The following TNK1 variants were observed in gnomAD, a reference collection of about 807,000 sequenced individuals.
TNK1 encodes the protein non-receptor tyrosine-protein kinase TNK1.
Under a neutral mutation model 65.2 loss-of-function variants are expected in TNK1, and 53 were observed. The observed-to-expected ratio is 0.81, with a 90% CI of 0.65 to 1.02. The LOEUF (loss-of-function observed/expected upper bound fraction) is 1.02. TNK1 is among the 50% of genes least tolerant of loss of function. TNK1 has a pLI of 0.00. For synonymous variants in TNK1, 353 were observed against 364.6 expected (o/e 0.97, Z 0.36); for missense variants, 837 against 878.4 (o/e 0.95, Z 0.60).
At chr17:7,380,308 G>A (rs1904731444), upstream of TNK1, among the ~76,000 whole-genome samples, 1 of 152,198 alleles carries the variant, frequency 6.6e-6, no homozygotes. Context: ...AAGACTGGCA[G>A]CTTCCTCTCT....
At position 7,387,471 on chromosome 17, in the gene TNK1, A is replaced by T; in HGVS notation, c.1477+14A>T. On this transcript the variant is annotated intron_variant, in intron 10 of 12. Coordinates refer to ENST00000688331, the MANE Select transcript of TNK1 (RefSeq NM_003985.6). ...AGAGGATGAAAGGTGGGTGTGGTGG[A>T]CTCCAGAGTCTCTGAGGAGATCAAG... 1 of 1,573,092 alleles carries T rather than the reference A, an allele frequency of 6.4e-7. No homozygotes were observed. Among genetic ancestry groups the T allele is most frequent in the Non-Finnish European group, 8.6e-7 (1 of 1,159,554 alleles).
upstream of TNK1, chr17:7,380,594 T>A (rs1597673751): frequency 2.6e-5 from 4 of 152,344 alleles, no homozygotes; most frequent in Admixed American, 2.6e-4. Context: ...AGCATCAACA[T>A]CTCTCTGCCC....
chr17:7,384,162 A>C lies in TNK1; in HGVS notation c.775A>C (p.Ile259Leu). The C allele has an allele frequency of 6.5e-7, 1 of 1,538,946 alleles. No homozygotes were observed. Among genetic ancestry groups the C allele is most frequent in the African/African-American group, 1.4e-5 (1 of 72,904 alleles). The change falls in exon 6 of 13, where the codon ATC (isoleucine) becomes CTC (leucine). Residue 259 changes from isoleucine (I) to leucine (L), a missense_variant. By Grantham distance (5) the Ile-to-Leu change is conservative. Coordinates refer to ENST00000688331, the MANE Select transcript of TNK1 (RefSeq NM_003985.6). The stretch of plus-strand genomic sequence containing the variant: ...CCTACTGCTGGCGTCGCCGCGCACC[A>C]TCAAGGTGGCTGACTTCGGGCTGGT... ...RNLLLASPRTIKVADFGLVRP... is the reference protein window; with the variant it reads ...RNLLLASPRTLKVADFGLVRP...
intron 7 of TNK1, among the ~76,000 whole-genome samples, chr17:7,385,105 C>T (rs558260824): frequency 6.6e-6 from 1 of 152,280 alleles, no homozygotes; most frequent in South Asian, 2.1e-4. Context: ...TGGCTCACGT[C>T]TCTAATCCCA....
chr17:7,387,162 C>G lies in TNK1; in HGVS notation c.1397+8C>G, dbSNP rs1597683934. 1 of 1,570,568 alleles carries G rather than the reference C, an allele frequency of 6.4e-7. No individual in the cohort carries two copies. Among genetic ancestry groups the G allele is most frequent in the Non-Finnish European group, 8.6e-7 (1 of 1,156,106 alleles). ...CCCAGGAAGCATAGATGGGTGAGGA[C>G]CTGAAAGGGTGAGGGCAGGGGTTGG... On this transcript the variant is annotated splice_region_variant and intron_variant, in intron 9 of 12. Coordinates refer to ENST00000688331, the MANE Select transcript of TNK1 (RefSeq NM_003985.6).
rs1213340828 is a variant in TNK1 at position 7,384,142 on chromosome 17, T to C, written c.755T>C (p.Leu252Pro). 1.9e-6 allele frequency: 3 copies of C among 1,545,182 alleles called. No homozygotes were observed. In the South Asian group the frequency reaches 3.5e-5, roughly 18 times the overall value. Reference protein sequence around the residue: ...VHRDLATRNLLLASPRTIKVA... With the variant: ...VHRDLATRNLPLASPRTIKVA... ...CGAGACCTCGCTACGCGCAACCTAC[T>C]GCTGGCGTCGCCGCGCACCATCAAG... is the stretch of plus-strand genomic sequence containing the variant. Residue 252 changes from leucine (L) to proline (P), a missense_variant, in exon 6 of 13, where the codon CTG (leucine) becomes CCG (proline). Coordinates refer to ENST00000688331, the MANE Select transcript of TNK1 (RefSeq NM_003985.6).
intron 7 of TNK1, among the ~76,000 whole-genome samples, chr17:7,385,250 A>G (rs1314634033): frequency 6.6e-6 from 1 of 151,886 alleles, no homozygotes; most frequent in African/African-American, 2.4e-5. Flanking sequence ...CTGTAATCCC[A>G]GCTACTCGGG....
intron 10 of TNK1, 149 bp downstream of exon 10, chr17:7,387,606 T>A (rs1228990367): frequency 1.7e-5 from 6 of 354,988 alleles, no homozygotes; most frequent in Non-Finnish European, 2.7e-5. Flanking sequence ...GCAATCTATT[T>A]TTTTTTTTTT....
rs753529931 is a variant in TNK1, at chr17:7,384,635, G to C, written c.1018G>C (p.Ala340Pro). 4 of 1,610,190 alleles carry C rather than the reference G, an allele frequency of 2.5e-6. No individual in the cohort carries two copies. Among genetic ancestry groups the C allele is most frequent in the East Asian group, 2.2e-5 (1 of 44,756 alleles). The change falls in exon 7 of 13, where the codon GCC becomes CCC. Residue 340 changes from alanine to proline, a missense_variant. Ala to Pro is a conservative substitution (Grantham distance 27, BLOSUM62 -1). Coordinates refer to ENST00000688331, the MANE Select transcript of TNK1 (RefSeq NM_003985.6). ...CATCCTGCAGCGGCTGGAGGACAGA[G>C]CCCGGCTGCCTAGGCCTCCCCTCTG... ...YLILQRLEDRARLPRPPLCSR... is the reference protein window; with the variant it reads ...YLILQRLEDRPRLPRPPLCSR...
chr17:7,383,452 A>G lies in TNK1; in HGVS notation c.262A>G (p.Lys88Glu), dbSNP rs763673215. The G allele has an allele frequency of 1.9e-5, 30 of 1,613,806 alleles. No homozygotes were observed. Among genetic ancestry groups the G allele is most frequent in the Non-Finnish European group, 2.5e-5 (29 of 1,179,878 alleles). The change falls in exon 4 of 13, where the codon AAG becomes GAG. Residue 88 changes from lysine to glutamate, a missense_variant. Lys to Glu is a moderately conservative substitution (Grantham distance 56, BLOSUM62 1). Coordinates refer to ENST00000688331, the MANE Select transcript of TNK1 (RefSeq NM_003985.6). ...KILGGFAPEH[K>E]EPTLPSDSPR... The stretch of plus-strand genomic sequence containing the variant: ...CCTTGGAGGTTTTGCCCCTGAGCAC[A>G]AGGAGCCCACCCTGCCCTCGGACAG...
At chr17:7,381,996 A>C (rs550608949) in intron 1 of TNK1, among the ~76,000 whole-genome samples, 1 of 152,326 alleles carries the variant, frequency 6.6e-6, no homozygotes, top group Non-Finnish European at 1.5e-5. Context: ...GGCCGGGCGC[A>C]GTGGCTCACG....
Position 7,386,616 on chromosome 17 carries a change from G to T in TNK1, c.1193G>T (p.Arg398Met). 1.2e-6 allele frequency: 2 copies of T among 1,603,122 alleles called. No homozygotes were observed. Among genetic ancestry groups the T allele is most frequent in the Non-Finnish European group, 8.5e-7 (1 of 1,174,836 alleles). Residue 398 changes from arginine (R) to methionine (M), a missense_variant, in exon 8 of 13, where the codon AGG (arginine) becomes ATG (methionine). Coordinates refer to ENST00000688331, the MANE Select transcript of TNK1 (RefSeq NM_003985.6). The part of the protein sequence containing the change: ...VRDVTEPGAL[R>M]METGDPITVI... Reference sequence around the variant, plus strand: ...GATGTCACAGAACCAGGCGCCCTGAGGATGGAGACTGGTGACCCCATCACA... The same window carrying T: ...GATGTCACAGAACCAGGCGCCCTGATGATGGAGACTGGTGACCCCATCACA...
In TNK1 at chr17:7,386,585, G is replaced by C; in HGVS notation, c.1162G>C (p.Val388Leu). The change falls in exon 8 of 13, where the codon GTG (valine) becomes CTG (leucine). Residue 388 changes from valine to leucine, a missense_variant. By Grantham distance (32) the Val-to-Leu change is conservative. Coordinates refer to ENST00000688331, the MANE Select transcript of TNK1 (RefSeq NM_003985.6). ...QEAGPSEACC[V>L]RDVTEPGALR... The stretch of plus-strand genomic sequence containing the variant: ...GGCCGGGCCTTCGGAAGCATGTTGT[G>C]TGAGGGATGTCACAGAACCAGGCGC... 1 of 1,605,090 alleles carries C rather than the reference G, an allele frequency of 6.2e-7. No individual in the cohort carries two copies. Among genetic ancestry groups the C allele is most frequent in the Non-Finnish European group, 8.5e-7 (1 of 1,175,838 alleles).
Position 7,387,138 on chromosome 17 carries a change from C to G in TNK1, c.1381C>G (p.Pro461Ala). 1 of 1,593,140 alleles carries G rather than the reference C, an allele frequency of 6.3e-7. No individual in the cohort carries two copies. The highest frequency in any genetic ancestry group is 8.6e-7 in the Non-Finnish European group (1 of 1,167,702). Residue 461 changes from proline to alanine, a missense_variant, in exon 9 of 13, where the codon CCA (proline) becomes GCA (alanine). By Grantham distance (27) the Pro-to-Ala change is conservative. Transcript: ENST00000688331. ...CACCCCTGCCCGGGGAGATCAACAC[C>G]CAGGAAGCATAGATGGGTGAGGACC... is the stretch of plus-strand genomic sequence containing the variant. Reference protein sequence around the residue: ...RGTPARGDQHPGSIDGDRKKA... With the variant: ...RGTPARGDQHAGSIDGDRKKA...
Position 7,385,633 on chromosome 17 carries a change from T to C in TNK1, c.1137+879T>C, listed in dbSNP as rs375903018. On this transcript the variant is annotated intron_variant, in intron 7 of 12. Transcript: ENST00000688331. ...TAGCTGGAGTGCAGTGGTGGGATCT[T>C]GGCTCACTGCAACCTCCGCCTCCTG... is the stretch of plus-strand genomic sequence containing the variant. Among the ~76,000 whole-genome samples the C allele has an allele frequency of 1.4e-3, 211 of 152,084 alleles. 1 individual carries two copies. Among genetic ancestry groups the C allele is most frequent in the Non-Finnish European group, 2.4e-3 (166 of 67,978 alleles).
At position 7,388,859 on chromosome 17, in the gene TNK1, G is replaced by T; in HGVS notation, c.1848G>T (p.Val616=). 6.2e-7 allele frequency: 1 copy of T among 1,603,082 alleles called. No homozygotes were observed. The highest frequency in any genetic ancestry group is 8.5e-7 in the Non-Finnish European group (1 of 1,174,886). The part of the protein sequence containing the change: ...QTALGATGGD[V]VSAIRNLKVD... The stretch of plus-strand genomic sequence containing the variant: ...CACTAGGAGCCACTGGGGGAGATGT[G>T]GTTTCTGCCATCCGGAACCTCAAGG... The change falls in exon 12 of 13, where the codon GTG becomes GTT. Residue 616 remains valine, a synonymous_variant. Transcript: ENST00000688331. The surrounding 1 kb of genome is among the most constrained non-coding windows in gnomAD (Gnocchi z 4.5).
At chr17:7,387,812 C>T (rs1337890873) in intron 10 of TNK1, among the ~76,000 whole-genome samples, 1 of 152,192 alleles carries the variant, frequency 6.6e-6, no homozygotes, top group Non-Finnish European at 1.5e-5. Context: ...CCCTGTTGCC[C>T]AGGCTGGCCT....
Position 7,388,484 on chromosome 17 carries a change from G to A in TNK1, c.1556G>A (p.Arg519Gln), listed in dbSNP as rs547740599. 9.9e-6 allele frequency: 16 copies of A among 1,613,836 alleles called. No homozygotes were observed. The highest frequency in any genetic ancestry group is 1.3e-5 in the Non-Finnish European group (15 of 1,179,864). The change falls in exon 11 of 13, where the codon CGA becomes CAA. Residue 519 changes from arginine (R) to glutamine (Q), a missense_variant. Transcript: ENST00000688331. This position sits in a 1 kb window ranked among gnomAD's most constrained non-coding sequence, Gnocchi z 4.5. ...TGGGSSPPEI[R>Q]QARAVPQGPP... ...GGTGGTTCAAGCCCCCCTGAAATTC[G>A]ACAAGCCAGAGCTGTGCCCCAGGGA...
Position 7,388,507 on chromosome 17 carries a change from G to A in TNK1, c.1579G>A (p.Gly527Arg), listed in dbSNP as rs759128423. The change falls in exon 11 of 13, where the codon GGA (glycine) becomes AGA (arginine). Residue 527 changes from glycine to arginine, a missense_variant. Physicochemically the swap from Gly to Arg is moderately radical, Grantham distance 125. Transcript: ENST00000688331. The surrounding 1 kb of genome is among the most constrained non-coding windows in gnomAD (Gnocchi z 4.5). The part of the protein sequence containing the change: ...EIRQARAVPQ[G>R]PPGLPPRPPL... ...TCGACAAGCCAGAGCTGTGCCCCAG[G>A]GACCTCCAGGCCTGCCTCCACGCCC... 6.2e-7 allele frequency: 1 copy of A among 1,613,926 alleles called. No individual in the cohort carries two copies. Among genetic ancestry groups the A allele is most frequent in the South Asian group, 1.1e-5 (1 of 91,088 alleles).
Sources: allele counts gnomAD v4.1 joint callset (sites outside exome capture counted in the v4.1 genomes callset), GRCh38; gene constraint gnomAD v4.1.1; non-coding constraint Gnocchi (gnomAD v3.1); transcripts MANE v1.5; gene names NCBI Gene and HGNC (gene_info 2026-07-23, HGNC 2026-07-21).